The following CNTNAP2 variants were observed in gnomAD, a reference collection of about 807,000 sequenced individuals.
CNTNAP2 encodes the protein contactin-associated protein-like 2.
In CNTNAP2, 98 loss-of-function variants were observed where a neutral mutation model predicts 155.2. The observed-to-expected ratio is 0.63, with a 90% CI of 0.54 to 0.75. The LOEUF (loss-of-function observed/expected upper bound fraction) is 0.75. Among genes scored for constraint, CNTNAP2 ranks in the 30% least tolerant of loss-of-function variants. CNTNAP2 has a pLI of 0.00. For missense variants in CNTNAP2, 1,727 were observed against 1,688.1 expected (o/e 1.02, Z -0.40); for synonymous variants, 651 against 631.2 (o/e 1.03, Z -0.47).
At chr7:146,250,078 C>T (rs201539527) in intron 1 of CNTNAP2, among the ~76,000 whole-genome samples, 8 of 152,064 alleles carry the variant, frequency 5.3e-5, no homozygotes, top group East Asian at 1.9e-4. Flanking sequence ...AAATCTATTA[C>T]GTGCCAGAAA....
intron 19 of CNTNAP2, among the ~76,000 whole-genome samples, chr7:148,228,651 G>A (rs1433110129): frequency 2.0e-5 from 3 of 151,618 alleles, no homozygotes; most frequent in South Asian, 2.1e-4. Context: ...GTGAAACCCC[G>A]TCTCTACTAA....
chr7:146,200,065 T>C, intron 1 of CNTNAP2, among the ~76,000 whole-genome samples: 1 of 152,284 alleles, frequency 6.6e-6, no homozygotes, highest in South Asian at 2.1e-4. Flanking sequence ...GTAGAATCTG[T>C]CTAAAATATT....
intron 2 of CNTNAP2, among the ~76,000 whole-genome samples, chr7:146,779,747 C>T (rs897016490): frequency 5.9e-5 from 9 of 152,270 alleles, no homozygotes; most frequent in African/African-American, 9.6e-5. Flanking sequence ...TTTAAGAATG[C>T]GTCATCTTCT....
At chr7:146,410,295 C>T (rs575593235) in intron 1 of CNTNAP2, among the ~76,000 whole-genome samples, 3 of 152,270 alleles carry the variant, frequency 2.0e-5, no homozygotes, top group Non-Finnish European at 4.4e-5. Flanking sequence ...TCTCTGGCTG[C>T]TTTCATGCTA....
intron 14 of CNTNAP2, among the ~76,000 whole-genome samples, chr7:147,948,388 A>C (rs9655723): frequency 6.6e-6 from 1 of 151,736 alleles, no homozygotes; most frequent in African/African-American, 2.4e-5. Context: ...CTTATTTCAC[A>C]TTGCATGCCT....
intron 8 of CNTNAP2, 97 bp from the exon 9 acceptor site, chr7:147,300,044 A>C: frequency 7.5e-7 from 1 of 1,341,824 alleles, no homozygotes; most frequent in Non-Finnish European, 1.1e-6. Flanking sequence ...CAAGAGAAAA[A>C]TACTTTTATT....
At chr7:148,405,668 T>G (rs1481241727) in intron 22 of CNTNAP2, among the ~76,000 whole-genome samples, 1 of 125,544 alleles carries the variant, frequency 8.0e-6, no homozygotes, top group Non-Finnish European at 1.6e-5. Context: ...CAGGCTGGAG[T>G]GCAGTGGCAC....
In CNTNAP2 at chr7:147,635,184, C is replaced by CTATATATATATATATA. The variant is rs57395379; in HGVS notation, c.1898-3920_1898-3905dup. On this transcript the variant is annotated intron_variant, in intron 12 of 23. Coordinates refer to ENST00000361727, the MANE Select transcript of CNTNAP2 (RefSeq NM_014141.6). ...TCTCCCAGCCATTATCACTGGCAAA[C>CTATATATATATATATA]TATATATATATATATATGTTTAATT... is the stretch of plus-strand genomic sequence containing the variant. Among the ~76,000 whole-genome samples the CTATATATATATATATA allele has an allele frequency of 8.5e-4, 117 of 137,140 alleles. 5 individuals carry two copies. The highest frequency in any genetic ancestry group is 3.1e-3 in the African/African-American group (101 of 32,090). 90.0% of individuals were successfully genotyped at this position (137,140 alleles called of 152,430 possible). A position where few individuals can be genotyped will look rare whatever the true frequency, so the allele number is the denominator to read the frequency against.
chr7:148,099,057 T>TA (rs1804036743), intron 15 of CNTNAP2, among the ~76,000 whole-genome samples: 1 of 152,152 alleles, frequency 6.6e-6, no homozygotes, highest in African/African-American at 2.4e-5. Flanking sequence ...AATTGCTTTA[T>TA]AAAAAAGAGT....
At chr7:148,099,159 T>C (rs1804039639) in intron 15 of CNTNAP2, among the ~76,000 whole-genome samples, 1 of 152,198 alleles carries the variant, frequency 6.6e-6, no homozygotes, top group African/African-American at 2.4e-5. Context: ...ACATTAAACT[T>C]TCCGTGCCTC....
At chr7:147,865,388 C>CT (rs898328685) in intron 13 of CNTNAP2, among the ~76,000 whole-genome samples, 11 of 152,062 alleles carry the variant, frequency 7.2e-5, no homozygotes, top group African/African-American at 2.7e-4. Flanking sequence ...CTAAAATTCT[C>CT]TTTTTTTGTT....
chr7:147,215,471 C>A (rs1377453748), intron 8 of CNTNAP2, among the ~76,000 whole-genome samples: 1 of 152,108 alleles, frequency 6.6e-6, no homozygotes, highest in Non-Finnish European at 1.5e-5. Flanking sequence ...TTCATATTGG[C>A]ATCTTTCACT....
intron 1 of CNTNAP2, among the ~76,000 whole-genome samples, chr7:146,628,605 C>A (rs985852130): frequency 1.3e-5 from 2 of 151,784 alleles, no homozygotes; most frequent in South Asian, 4.2e-4. Flanking sequence ...TAAATACATA[C>A]AATTTTATGT....
chr7:147,385,070 T>G (rs1017180713), intron 9 of CNTNAP2, among the ~76,000 whole-genome samples: 1 of 152,150 alleles, frequency 6.6e-6, no homozygotes. Flanking sequence ...AGAGAACTTG[T>G]GCAGGGAAAC....
chr7:147,726,295 T>C (rs746117035), intron 13 of CNTNAP2, among the ~76,000 whole-genome samples: 1 of 151,968 alleles, frequency 6.6e-6, no homozygotes, highest in Non-Finnish European at 1.5e-5. Flanking sequence ...CAAGAAGACT[T>C]TTGGCGGTGT....
At chr7:146,565,694 C>G (rs966489204) in intron 1 of CNTNAP2, among the ~76,000 whole-genome samples, 2 of 152,182 alleles carry the variant, frequency 1.3e-5, no homozygotes, top group African/African-American at 4.8e-5. Context: ...TGTAGGCATA[C>G]ACAATGATTT....
chr7:148,052,785 C>T (rs1295634933), intron 15 of CNTNAP2, among the ~76,000 whole-genome samples: 4 of 152,204 alleles, frequency 2.6e-5, no homozygotes, highest in Non-Finnish European at 2.9e-5. Context: ...CAGTGGCTCA[C>T]GCCTATAACC....
chr7:147,045,877 C>T (rs2372809), intron 4 of CNTNAP2, among the ~76,000 whole-genome samples: 21,753 of 148,552 alleles, frequency 0.15, 2,493 homozygotes, highest in African/African-American at 0.32. Context: ...CATATACGTG[C>T]ATATATATAT....
chr7:146,390,643 A>T lies in CNTNAP2; in HGVS notation c.97+273670A>T, dbSNP rs191986875. Among the ~76,000 whole-genome samples, 615 of 146,782 alleles carry T rather than the reference A, an allele frequency of 4.2e-3. 3 individuals carry two copies. Among genetic ancestry groups the T allele is most frequent in the African/African-American group, 0.014 (568 of 40,018 alleles). ...TTTTTCATGAAATAAAAATATATAT[A>T]TTTTTTCATGAAATAAATATATATA... On this transcript the variant is annotated intron_variant, in intron 1 of 23. Coordinates refer to ENST00000361727, the MANE Select transcript of CNTNAP2 (RefSeq NM_014141.6).
Sources: allele counts gnomAD v4.1 joint callset (sites outside exome capture counted in the v4.1 genomes callset), GRCh38; gene constraint gnomAD v4.1.1; transcripts MANE v1.5; gene names NCBI Gene and HGNC (gene_info 2026-07-23, HGNC 2026-07-21).